Variants in SMC5 observed in about 807,000 individuals in gnomAD.
The protein encoded by SMC5 is structural maintenance of chromosomes 5, also known as structural maintenance of chromosomes protein 5.
SMC5 carries 88 observed loss-of-function variants against 148.3 expected under a neutral mutation model. The observed-to-expected ratio is 0.59, with a 90% confidence interval of 0.50 to 0.71. The LOEUF (loss-of-function observed/expected upper bound fraction) is 0.71, where lower values mean the gene tolerates loss of function less well. SMC5 is among the 30% of genes least tolerant of loss of function. The pLI is 0.00. For synonymous variants in SMC5, 421 were observed against 432.8 expected, an observed-to-expected ratio of 0.97 and a Z score of 0.34; for missense variants, 1,142 against 1,298.9, an observed-to-expected ratio of 0.88 and a Z score of 1.86.
rs996147707 is a variant in SMC5, at chr9:70,300,305, A to G, written c.1464+105A>G. ...AATATTACCCTGGTTTTACATTATC[A>G]GACTTGTGGCATCTGGCATACTGCT... On this transcript the variant is annotated intron_variant, in intron 10 of 24. Transcript: ENST00000361138. 8.6e-6 allele frequency: 9 copies of G among 1,044,802 alleles called. No homozygotes were observed. In the African/African-American group the frequency reaches 1.5e-4, roughly 17 times the overall value. 64.7% of individuals were successfully genotyped at this position (1,044,802 alleles called of 1,614,324 possible). A position where few individuals can be genotyped will look rare whatever the true frequency, so the allele number is the denominator to read the frequency against.
intron 1 of SMC5, among the ~76,000 whole-genome samples, chr9:70,262,385 A>G (rs1276282758): frequency 1.3e-5 from 2 of 152,212 alleles, no homozygotes; most frequent in African/African-American, 2.4e-5. Context: ...TTTCTTTTTT[A>G]ACAAGTGACA....
At chr9:70,337,076 GA>G (rs1260563786) in intron 17 of SMC5, among the ~76,000 whole-genome samples, 1 of 152,098 alleles carries the variant, frequency 6.6e-6, no homozygotes, top group East Asian at 1.9e-4. Context: ...GCACAGGAAG[GA>G]CCTGCCCCCA....
chr9:70,266,169 A>T (rs1340348997), intron 2 of SMC5, among the ~76,000 whole-genome samples: 1 of 152,182 alleles, frequency 6.6e-6, no homozygotes, highest in East Asian at 1.9e-4. Flanking sequence ...TTAAGATAGA[A>T]ATAATAAAAA....
intron 1 of SMC5, among the ~76,000 whole-genome samples, chr9:70,262,108 A>G (rs1193298054): frequency 6.6e-6 from 1 of 152,192 alleles, no homozygotes; most frequent in Non-Finnish European, 1.5e-5. Flanking sequence ...GAGAATTAGC[A>G]AGGAAATAAG....
intron 10 of SMC5, among the ~76,000 whole-genome samples, chr9:70,302,846 G>C (rs2035396321): frequency 6.6e-6 from 1 of 152,144 alleles, no homozygotes; most frequent in South Asian, 2.1e-4. Context: ...TCCTGAGCAG[G>C]TGAAATCCGT....
chr9:70,345,152 AAAAT>A (rs994469656), intron 18 of SMC5, among the ~76,000 whole-genome samples: 9 of 144,410 alleles, frequency 6.2e-5, no homozygotes, highest in African/African-American at 2.0e-4. Context: ...GTGTTGTTAT[AAAAT>A]AAATATAAGT....
At chr9:70,323,806 C>T (rs1452047372) in intron 16 of SMC5, among the ~76,000 whole-genome samples, 200 bp downstream of exon 16, 3 of 152,126 alleles carry the variant, frequency 2.0e-5, no homozygotes, top group Non-Finnish European at 4.4e-5. Context: ...TAAAAGCACT[C>T]ATTAAGCTAA....
chr9:70,286,328 C>A, intron 8 of SMC5, 57 bp downstream of exon 8: 1 of 1,082,542 alleles, frequency 9.2e-7, no homozygotes, highest in Non-Finnish European at 1.4e-6. Context: ...CTTTTGTTTT[C>A]AAATACAGAT....
In SMC5 at chr9:70,352,285, C is replaced by G; in HGVS notation, c.3260C>G (p.Ala1087Gly). The G allele has an allele frequency of 6.2e-7, 1 of 1,613,636 alleles. No individual in the cohort carries two copies. Among genetic ancestry groups the G allele is most frequent in the South Asian group, 1.1e-5 (1 of 90,964 alleles). Residue 1087 changes from alanine to glycine, a missense_variant, in exon 25 of 25, where the codon GCT (alanine) becomes GGT (glycine). Physicochemically the swap from Ala to Gly is moderately conservative, Grantham distance 60. Coordinates refer to ENST00000361138, the MANE Select transcript of SMC5 (RefSeq NM_015110.4). ...GAACCAAACACATGGAATTTAAAGG[C>G]TTTCCAAAGGCGGCGGCGCCGTATT... The part of the protein sequence containing the change: ...MLEPNTWNLK[A>G]FQRRRRRITF...
chr9:70,292,260 G>A (rs185815112), intron 8 of SMC5, among the ~76,000 whole-genome samples: 1 of 152,176 alleles, frequency 6.6e-6, no homozygotes. Flanking sequence ...TAAACATTTG[G>A]GAAGAATTGA....
chr9:70,275,401 A>G (rs960549326), intron 3 of SMC5, among the ~76,000 whole-genome samples: 1 of 152,004 alleles, frequency 6.6e-6, no homozygotes, highest in Non-Finnish European at 1.5e-5. Flanking sequence ...GGGTCTCACT[A>G]TGTTGCTCAG....
Position 70,278,413 on chromosome 9 carries a change from G to A in SMC5, c.544-78G>A, listed in dbSNP as rs2034654520. 5.0e-6 allele frequency: 7 copies of A among 1,389,096 alleles called. No homozygotes were observed. In the South Asian group the frequency reaches 6.6e-5, roughly 13 times the overall value. The allele number at this position is 1,389,096 out of a possible 1,614,324, so 86.0% of individuals were successfully genotyped here. On this transcript the variant is annotated intron_variant, in intron 4 of 24. Transcript: ENST00000361138. ...TTTAATGAGTTTCACCTTGACAAGT[G>A]TAAGCATTGAGTGAAATACATTTTG...
chr9:70,323,067 C>A (rs1180308258), intron 15 of SMC5, among the ~76,000 whole-genome samples: 1 of 152,102 alleles, frequency 6.6e-6, no homozygotes, highest in Non-Finnish European at 1.5e-5. Context: ...CTTTTCTCTT[C>A]GAGGCAACAT....
At chr9:70,290,980 A>G (rs750641230) in intron 8 of SMC5, among the ~76,000 whole-genome samples, 2 of 152,132 alleles carry the variant, frequency 1.3e-5, no homozygotes, top group Non-Finnish European at 2.9e-5. Context: ...CCTTTATTTG[A>G]AAGTGTTACA....
chr9:70,344,540 A>G, intron 18 of SMC5: 1 of 164,584 alleles, frequency 6.1e-6, no homozygotes, highest in Non-Finnish European at 1.3e-5. Flanking sequence ...GAAACATTGT[A>G]CCAGTAATTG....
Position 70,300,027 on chromosome 9 carries a change from T to A in SMC5, c.1310-19T>A, listed in dbSNP as rs779280511. 175 of 1,542,020 alleles carry A rather than the reference T, an allele frequency of 1.1e-4. No homozygotes were observed. The highest frequency in any genetic ancestry group is 6.6e-4 in the Admixed American group (28 of 42,118). On this transcript the variant is annotated intron_variant, in intron 9 of 24. Transcript: ENST00000361138. ...AAATTTTCAGAGAAACAAGACTTTGTTTTGTTTTACAATTTTAGGTGTGGA... is the reference window on the plus strand; with the variant it reads ...AAATTTTCAGAGAAACAAGACTTTGATTTGTTTTACAATTTTAGGTGTGGA...
intron 2 of SMC5, 98 bp from the exon 3 acceptor site, chr9:70,267,825 A>G (rs1043758330): frequency 5.7e-5 from 65 of 1,136,194 alleles, no homozygotes; most frequent in Non-Finnish European, 7.8e-5. Context: ...GGTACCTGAA[A>G]AAAATCTTGA....
chr9:70,301,159 TGAAA>T (rs1307587492), intron 10 of SMC5, among the ~76,000 whole-genome samples: 3 of 152,270 alleles, frequency 2.0e-5, no homozygotes, highest in South Asian at 2.1e-4. Context: ...TGATGAGGAT[TGAAA>T]GAAAGTATAA....
chr9:70,338,309 C>T (rs2036420145), intron 17 of SMC5, among the ~76,000 whole-genome samples: 1 of 152,188 alleles, frequency 6.6e-6, no homozygotes, highest in South Asian at 2.1e-4. Context: ...CCATGCCCAG[C>T]CATTTGCATA....
Sources: allele counts gnomAD v4.1 joint callset (sites outside exome capture counted in the v4.1 genomes callset), GRCh38; gene constraint gnomAD v4.1.1; transcripts MANE v1.5; gene names NCBI Gene and HGNC (gene_info 2026-07-23, HGNC 2026-07-21).